Variants in TNRC6C observed in about 807,000 individuals in gnomAD.
The protein encoded by TNRC6C is trinucleotide repeat-containing gene 6C protein.
A neutral mutation model predicts 153.7 loss-of-function variants in TNRC6C; 20 were observed. The ratio of observed to expected loss-of-function variants is 0.13; its 90% confidence interval spans 0.09 to 0.19. TNRC6C has a LOEUF of 0.19. TNRC6C is among the 10% of genes least tolerant of loss of function. TNRC6C has a pLI of 1.00. For missense variants in TNRC6C, 1,987 were observed against 2,172.0 expected, an observed-to-expected ratio of 0.91 and a Z score of 1.69; for synonymous variants, 811 against 841.4, an observed-to-expected ratio of 0.96 and a Z score of 0.63.
At chr17:77,986,627 TA>T (rs1005076431) in intron 1 of TNRC6C, among the ~76,000 whole-genome samples, 1 of 152,138 alleles carries the variant, frequency 6.6e-6, no homozygotes, top group Non-Finnish European at 1.5e-5. Flanking sequence ...ATAAATACTT[TA>T]AAAAAATAAT....
chr17:78,068,613 G>T (rs937633651), intron 5 of TNRC6C, among the ~76,000 whole-genome samples: 1 of 152,136 alleles, frequency 6.6e-6, no homozygotes, highest in Non-Finnish European at 1.5e-5. Context: ...GGCCAACATG[G>T]TGAAACCCCA....
intron 1 of TNRC6C, among the ~76,000 whole-genome samples, chr17:78,018,542 G>A (rs1043986723): frequency 2.0e-5 from 3 of 152,104 alleles, no homozygotes; most frequent in South Asian, 4.1e-4. Context: ...GACATGTTTG[G>A]GGGGGTGGAG....
intron 11 of TNRC6C, among the ~76,000 whole-genome samples, 175 bp from the exon 14 acceptor site, chr17:78,086,328 T>TAAA (rs58348772): frequency 0.011 from 574 of 53,278 alleles, 48 homozygotes; most frequent in East Asian, 0.017. Context: ...AGACTCCATC[T>TAAA]AAAAAAAAAA....
intron 2 of TNRC6C, among the ~76,000 whole-genome samples, chr17:78,039,982 C>CA (rs2072261295): frequency 6.6e-6 from 1 of 152,224 alleles, no homozygotes; most frequent in Admixed American, 6.5e-5. Flanking sequence ...GAGAGATAGT[C>CA]AGTTATTGCC....
intron 2 of TNRC6C, among the ~76,000 whole-genome samples, chr17:78,037,070 C>G (rs751544014): frequency 6.6e-6 from 1 of 152,114 alleles, no homozygotes. Flanking sequence ...TGTCATAATT[C>G]ACCTTTTGAT....
intron 14 of TNRC6C, among the ~76,000 whole-genome samples, chr17:78,092,070 G>C (rs2073404083): frequency 6.6e-6 from 1 of 152,134 alleles, no homozygotes; most frequent in Non-Finnish European, 1.5e-5. Context: ...GTCCCCATCG[G>C]GAACTCTTTA....
chr17:78,043,343 G>A (rs946372877), intron 2 of TNRC6C, among the ~76,000 whole-genome samples: 1 of 152,216 alleles, frequency 6.6e-6, no homozygotes. Flanking sequence ...TGGGAGAAAA[G>A]AGATGGTTGG....
intron 1 of TNRC6C, among the ~76,000 whole-genome samples, chr17:78,011,113 G>T (rs2071621138): frequency 1.3e-5 from 2 of 152,186 alleles, no homozygotes; most frequent in Non-Finnish European, 2.9e-5. Flanking sequence ...AACTCTAAAG[G>T]ATGCTGACAG....
At chr17:78,077,992 C>T (rs1567955002) in intron 9 of TNRC6C, among the ~76,000 whole-genome samples, 2 of 152,190 alleles carry the variant, frequency 1.3e-5, no homozygotes, top group Non-Finnish European at 2.9e-5. Flanking sequence ...TTCTCTCTGA[C>T]TTTCTTAGGG....
At chr17:77,968,445 G>A (rs2070915945) in intron 1 of TNRC6C, among the ~76,000 whole-genome samples, 1 of 151,824 alleles carries the variant, frequency 6.6e-6, no homozygotes, top group Admixed American at 6.6e-5. Context: ...GGGTTCAAGC[G>A]ACTCTTCTGC....
intron 5 of TNRC6C, among the ~76,000 whole-genome samples, chr17:78,070,265 A>G (rs2072966309): frequency 6.6e-6 from 1 of 152,228 alleles, no homozygotes; most frequent in South Asian, 2.1e-4. Flanking sequence ...CATAGTAATG[A>G]TTGAAATAGC....
intron 13 of TNRC6C, 106 bp downstream of exon 15, chr17:78,087,199 G>A (rs749422983): frequency 5.4e-5 from 81 of 1,504,730 alleles, no homozygotes; most frequent in Middle Eastern, 1.8e-4. Flanking sequence ...ACTGGCCAGC[G>A]CTGAAACCAT....
Position 77,975,637 on chromosome 17 carries a change from A to G in TNRC6C, c.-38+16369A>G, listed in dbSNP as rs115359041. 8.9e-3 allele frequency among the ~76,000 whole-genome samples: 1,354 copies of G among 152,350 alleles called. 20 individuals are homozygous for G. The highest frequency in any genetic ancestry group is 0.03 in the African/African-American group (1,261 of 41,576). On this transcript the variant is annotated intron_variant, in intron 1 of 22. Transcript: ENST00000636222. ...GGGTAAAATCTGGTCTTTTGAAAAT[A>G]TGAAATAGCATTGTGATTATGAGGC...
chr17:78,071,147 C>G, exon 6 of TNRC6C: 1 of 1,605,246 alleles, frequency 6.2e-7, no homozygotes, highest in Non-Finnish European at 8.5e-7. Context: ...TCAAACAACT[C>G]ACAGACATGG....
At chr17:78,072,997 A>C in intron 6 of TNRC6C, 40 bp from the exon 9 acceptor site, 1 of 1,453,516 alleles carries the variant, frequency 6.9e-7, no homozygotes, top group Non-Finnish European at 9.4e-7. Context: ...TCCTTTTGTT[A>C]ATTAATGTGC....
intron 3 of TNRC6C, among the ~76,000 whole-genome samples, chr17:78,061,717 GT>G: frequency 6.6e-6 from 1 of 152,254 alleles, no homozygotes; most frequent in South Asian, 2.1e-4. Flanking sequence ...GAAATATTTG[GT>G]TTTTTAATTT....
chr17:78,086,186 T>G (rs1222840636), intron 11 of TNRC6C, among the ~76,000 whole-genome samples: 1 of 151,708 alleles, frequency 6.6e-6, no homozygotes, highest in Admixed American at 6.6e-5. Context: ...AAAAATTAGC[T>G]GGGCGTGGTG....
chr17:78,060,462 G>A (rs898570706), intron 3 of TNRC6C, among the ~76,000 whole-genome samples: 26 of 146,398 alleles, frequency 1.8e-4, no homozygotes, highest in Non-Finnish European at 3.0e-5. Context: ...ATTTTTAATC[G>A]TTTATCTTTT....
At chr17:78,000,628 C>CACA (rs1259598126), upstream of TNRC6C, among the ~76,000 whole-genome samples, 22 of 70,216 alleles carry the variant, frequency 3.1e-4, 1 homozygote, top group Non-Finnish European at 5.3e-4. Context: ...GCCCCCCCCC[C>CACA]CCCACACACA....
Sources: allele counts gnomAD v4.1 joint callset (sites outside exome capture counted in the v4.1 genomes callset), GRCh38; gene constraint gnomAD v4.1.1; transcripts MANE v1.5; gene names NCBI Gene and HGNC (gene_info 2026-07-23, HGNC 2026-07-21).